Variants in CSMD1 observed in about 807,000 individuals in gnomAD.
The protein encoded by CSMD1 is CUB and Sushi multiple domains 1, also known as CUB and sushi domain-containing protein 1.
In CSMD1, 213 loss-of-function variants were observed where a neutral mutation model predicts 417.5. The ratio of observed to expected loss-of-function variants is 0.51; its 90% CI spans 0.46 to 0.57. The LOEUF (loss-of-function observed/expected upper bound fraction) is 0.57, where lower values mean the gene tolerates loss of function less well. CSMD1 is among the 20% of genes least tolerant of loss of function. CSMD1 has a pLI of 0.00. For synonymous variants in CSMD1, 2,862 were observed against 1,736.8 expected, an observed-to-expected ratio of 1.65 and a Z score of -16.11; for missense variants, 6,923 against 4,529.7, an observed-to-expected ratio of 1.53 and a Z score of -15.17.
chr8:3,871,541 TC>T (rs1200958865), intron 5 of CSMD1, among the ~76,000 whole-genome samples: 1 of 152,206 alleles, frequency 6.6e-6, no homozygotes, highest in Non-Finnish European at 1.5e-5. Flanking sequence ...TTTTAATTTT[TC>T]TTAGTCTATT....
At chr8:3,807,617 G>A (rs1030397318) in intron 5 of CSMD1, among the ~76,000 whole-genome samples, 3 of 152,120 alleles carry the variant, frequency 2.0e-5, no homozygotes, top group Admixed American at 6.5e-5. Flanking sequence ...ACATAATTGT[G>A]TTTCAGTTGT....
chr8:4,574,199 A>G (rs1257844227), intron 2 of CSMD1, among the ~76,000 whole-genome samples: 1 of 152,086 alleles, frequency 6.6e-6, no homozygotes, highest in Non-Finnish European at 1.5e-5. Flanking sequence ...CTAGCTCGGT[A>G]TCTGTCTGAA....
At chr8:4,277,892 C>A (rs559988848) in intron 3 of CSMD1, among the ~76,000 whole-genome samples, 45 of 152,162 alleles carry the variant, frequency 3.0e-4, no homozygotes, top group Non-Finnish European at 4.7e-4. Flanking sequence ...GGACTACAGG[C>A]GCCCACCACC....
At chr8:3,543,328 A>T (rs894579371) in intron 10 of CSMD1, among the ~76,000 whole-genome samples, 1 of 152,190 alleles carries the variant, frequency 6.6e-6, no homozygotes, top group Admixed American at 6.5e-5. Context: ...GTGAGGTGAA[A>T]AGTCACTGGG....
At chr8:4,755,330 T>C (rs1036130450) in intron 1 of CSMD1, among the ~76,000 whole-genome samples, 2 of 152,246 alleles carry the variant, frequency 1.3e-5, no homozygotes, top group South Asian at 4.1e-4. Context: ...TGTTCACTTT[T>C]CCTTTTGGGA....
At chr8:3,196,994 T>C (rs552562206) in intron 33 of CSMD1, among the ~76,000 whole-genome samples, 2 of 152,266 alleles carry the variant, frequency 1.3e-5, no homozygotes, top group South Asian at 4.1e-4. Flanking sequence ...ACTCACACCT[T>C]CTTCTCTCAT....
intron 1 of CSMD1, among the ~76,000 whole-genome samples, chr8:4,707,586 G>A (rs1481747692): frequency 2.0e-5 from 3 of 152,016 alleles, no homozygotes; most frequent in African/African-American, 4.8e-5. Context: ...CTGCAAACGA[G>A]CAACAAGAGA....
chr8:4,002,301 T>A (rs1422762431), intron 4 of CSMD1, among the ~76,000 whole-genome samples: 1 of 152,124 alleles, frequency 6.6e-6, no homozygotes, highest in Non-Finnish European at 1.5e-5. Context: ...TGTAAGTACT[T>A]CTCTAACAAA....
chr8:4,962,376 A>G (rs935549919), intron 1 of CSMD1, among the ~76,000 whole-genome samples: 12 of 151,908 alleles, frequency 7.9e-5, no homozygotes, highest in Non-Finnish European at 1.5e-4. Context: ...TTGACTGCTT[A>G]ATTTTATAAT....
chr8:3,201,195 C>G (rs1796973438), intron 32 of CSMD1, among the ~76,000 whole-genome samples: 1 of 152,096 alleles, frequency 6.6e-6, no homozygotes, highest in African/African-American at 2.4e-5. Context: ...AACACGTGTA[C>G]ATGTGTGGCT....
chr8:4,578,785 G>A (rs1396930548), intron 2 of CSMD1, among the ~76,000 whole-genome samples: 2 of 141,154 alleles, frequency 1.4e-5, no homozygotes, highest in African/African-American at 2.7e-5. Flanking sequence ...CTGCACTCTA[G>A]CCTGGGTGAC....
intron 3 of CSMD1, among the ~76,000 whole-genome samples, chr8:4,316,991 T>C (rs551977415): frequency 6.6e-5 from 10 of 152,276 alleles, no homozygotes; most frequent in East Asian, 3.9e-4. Flanking sequence ...TCGACTCTTA[T>C]TGAGCATGCC....
intron 3 of CSMD1, among the ~76,000 whole-genome samples, chr8:4,328,148 G>A (rs1799661390): frequency 6.6e-6 from 1 of 151,588 alleles, no homozygotes; most frequent in African/African-American, 2.4e-5. Context: ...ACTCAAAGAT[G>A]TTAAATGCCT....
chr8:3,618,877 G>A lies in CSMD1; in HGVS notation c.1010-2080C>T, dbSNP rs148028645. 8.4e-3 allele frequency among the ~76,000 whole-genome samples: 1,275 copies of A among 152,292 alleles called. 11 individuals carry two copies. The highest frequency in any genetic ancestry group is 0.014 in the Non-Finnish European group (950 of 68,026). On this transcript the variant is annotated intron_variant, in intron 7 of 69. Transcript: ENST00000635120. The stretch of plus-strand genomic sequence containing the variant: ...AGTGACCAGTTTCCTCTCTAGGTAT[G>A]AAGAAGCAGAGAGAAAGTGGCTGGC...
At chr8:3,804,197 G>C (rs984282114) in intron 5 of CSMD1, among the ~76,000 whole-genome samples, 2 of 152,096 alleles carry the variant, frequency 1.3e-5, no homozygotes, top group African/African-American at 2.4e-5. Flanking sequence ...CTCCAGAAGT[G>C]TTGGGATTAC....
At position 3,359,148 on chromosome 8, in the gene CSMD1, C is replaced by A. The variant is rs1400841637; in HGVS notation, c.3304+4G>T. 6 of 1,613,644 alleles carry A rather than the reference C, an allele frequency of 3.7e-6. No individual in the cohort carries two copies. Among genetic ancestry groups the A allele is most frequent in the Admixed American group, 3.3e-5 (2 of 59,980 alleles). On this transcript the variant is annotated splice_donor_region_variant and intron_variant, in intron 21 of 69. Transcript: ENST00000635120. ...GAATGAAATGAAAGCGTGTGACCACCTACCCACACACCTTGGCAGAGGTGC... is the reference window on the plus strand; with the variant it reads ...GAATGAAATGAAAGCGTGTGACCACATACCCACACACCTTGGCAGAGGTGC...
At chr8:4,511,908 T>C (rs1440976688) in intron 2 of CSMD1, among the ~76,000 whole-genome samples, 2 of 152,098 alleles carry the variant, frequency 1.3e-5, no homozygotes, top group East Asian at 3.9e-4. Flanking sequence ...AAAGGAACCA[T>C]TTTTGCAGAG....
intron 1 of CSMD1, among the ~76,000 whole-genome samples, chr8:4,717,563 T>TATCTATCCATCCATCC (rs765602082): frequency 2.4e-4 from 33 of 137,166 alleles, no homozygotes; most frequent in African/African-American, 3.9e-4. Context: ...TCTATCTATC[T>TATCTATCCATCCATCC]ATCCATCCAT....
intron 7 of CSMD1, among the ~76,000 whole-genome samples, chr8:3,657,753 G>A (rs977717421): frequency 6.6e-6 from 1 of 152,080 alleles, no homozygotes. Context: ...TAGATGATGG[G>A]TTGATGGGCA....
Sources: gnomAD v4.1 joint callset for allele counts (sites outside exome capture counted in the v4.1 genomes callset) on GRCh38, gnomAD v4.1.1 for gene constraint, MANE v1.5 for transcripts, NCBI Gene and HGNC (gene_info 2026-07-23, HGNC 2026-07-21) for gene names.